MGST1: variants seen among roughly 807,000 people sequenced by gnomAD.
MGST1 encodes the protein microsomal glutathione S-transferase 1, also known as glutathione S-transferase 12.
In MGST1, 5 loss-of-function variants were observed where a neutral mutation model predicts 8.9. The ratio of observed to expected loss-of-function variants is 0.56; its 90% CI spans 0.29 to 1.19. The LOEUF is 1.19. Among genes scored for constraint, MGST1 ranks in the 50% most tolerant of loss-of-function variants. The pLI, the probability that MGST1 is intolerant of heterozygous loss-of-function variation, is 0.08. For synonymous variants in MGST1, 54 were observed against 67.8 expected, an observed-to-expected ratio of 0.80 and a Z score of 1.00; for missense variants, 182 against 187.4, an observed-to-expected ratio of 0.97 and a Z score of 0.17.
chr12:16,360,185 G>A, intron 3 of MGST1: 1 of 207,044 alleles, frequency 4.8e-6, no homozygotes, highest in Non-Finnish European at 8.5e-6. Flanking sequence ...CTGTTTCATC[G>A]AAAAAGTGCC....
chr12:16,498,267 T>G (rs956056567), intron 4 of MGST1, among the ~76,000 whole-genome samples: 13 of 152,198 alleles, frequency 8.5e-5, no homozygotes, highest in African/African-American at 3.1e-4. Context: ...TTCTGAAAAC[T>G]GTCCTAAATG....
Position 16,361,961 on chromosome 12 carries a change from A to G in MGST1, c.222-1834A>G, listed in dbSNP as rs1290866022. On this transcript the variant is annotated intron_variant, in intron 3 of 3. Coordinates refer to ENST00000396210, the MANE Select transcript of MGST1 (RefSeq NM_020300.5). The surrounding 1 kb of genome is among the most constrained non-coding windows in gnomAD (Gnocchi z 4.2). Reference sequence around the variant, plus strand: ...TGTCCTTGACTTTCTTCTCTGCTTTAACATTCCATTCTATTTGTCAACTGC... The same window carrying G: ...TGTCCTTGACTTTCTTCTCTGCTTTGACATTCCATTCTATTTGTCAACTGC... Among the ~76,000 whole-genome samples the G allele has an allele frequency of 6.6e-6, 1 of 152,160 alleles. No homozygotes were observed. Among genetic ancestry groups the G allele is most frequent in the Non-Finnish European group, 1.5e-5 (1 of 68,030 alleles).
chr12:16,524,593 G>A, intron 4 of MGST1, among the ~76,000 whole-genome samples: 1 of 151,990 alleles, frequency 6.6e-6, no homozygotes, highest in East Asian at 1.9e-4. Context: ...AGATTAGAGG[G>A]AACACCAAAC....
chr12:16,360,311 C>T, intron 3 of MGST1: 1 of 983,490 alleles, frequency 1.0e-6, no homozygotes, highest in Non-Finnish European at 1.2e-6. Context: ...CATTGTAAAG[C>T]TGTTACGATT....
rs201993269 is a variant in MGST1, at chr12:16,545,736, T to G, written n.483-43792T>G. Among the ~76,000 whole-genome samples, 10 of 152,184 alleles carry G rather than the reference T, an allele frequency of 6.6e-5. No homozygotes were observed. The East Asian group carries it at 1.9e-3, about 29-fold the overall frequency. On this transcript the variant is annotated intron_variant and non_coding_transcript_variant, in intron 4 of 4. Transcript: ENST00000538857. ...GGCTCAAATAAATGCCTTCATGTTATGGTTGAAAGAAAGAGCTCCCAAACA... is the reference window on the plus strand; with the variant it reads ...GGCTCAAATAAATGCCTTCATGTTAGGGTTGAAAGAAAGAGCTCCCAAACA...
rs574082780 is a variant in MGST1, at chr12:16,484,913, A to T, written n.482+101309A>T. 8.6e-4 allele frequency among the ~76,000 whole-genome samples: 131 copies of T among 152,288 alleles called. No individual in the cohort carries two copies. In the South Asian group the frequency reaches 0.016, roughly 18 times the overall value. On this transcript the variant is annotated intron_variant and non_coding_transcript_variant, in intron 4 of 4. Coordinates refer to the MGST1 transcript ENST00000538857. ...CTTGCGCTTAGATGAGTAAAAGCAG[A>T]TTGCACCTAAACCCTGATCACTATG...
intron 4 of MGST1, among the ~76,000 whole-genome samples, chr12:16,449,389 A>C (rs533725857): frequency 2.0e-5 from 3 of 152,032 alleles, no homozygotes; most frequent in Non-Finnish European, 2.9e-5. Flanking sequence ...GATCTGCCCC[A>C]AAACCCAAAC....
Position 16,504,826 on chromosome 12 carries a change from C to A in MGST1, n.483-84702C>A, listed in dbSNP as rs189032720. On this transcript the variant is annotated intron_variant and non_coding_transcript_variant, in intron 4 of 4. Coordinates refer to the MGST1 transcript ENST00000538857. ...CCCCACAAACTTGCTTAAAATTTAACCTTTCAACCTAATCCTCAGACAACC... is the reference window on the plus strand; with the variant it reads ...CCCCACAAACTTGCTTAAAATTTAAACTTTCAACCTAATCCTCAGACAACC... Among the ~76,000 whole-genome samples, 43 of 152,278 alleles carry A rather than the reference C, an allele frequency of 2.8e-4. No individual in the cohort carries two copies. In the East Asian group the frequency reaches 6.0e-3, roughly 21 times the overall value.
intron 4 of MGST1, chr12:16,514,297 C>T (rs1941596758): frequency 1.0e-5 from 3 of 300,732 alleles, no homozygotes; most frequent in Non-Finnish European, 2.0e-5. Flanking sequence ...GGTAGAGTCA[C>T]ATTTGAAGAT....
chr12:16,583,230 A>G (rs2137553684), intron 4 of MGST1, among the ~76,000 whole-genome samples: 1 of 152,246 alleles, frequency 6.6e-6, no homozygotes, highest in Middle Eastern at 3.4e-3. Context: ...CAGAGTGGTG[A>G]GAGACAGAAG....
intron 1 of MGST1, chr12:16,399,471 C>T: frequency 6.4e-7 from 1 of 1,551,816 alleles, no homozygotes; most frequent in Non-Finnish European, 8.9e-7. Flanking sequence ...CCAATCCTTT[C>T]CACTCTCTTC....
intron 4 of MGST1, among the ~76,000 whole-genome samples, chr12:16,581,735 CAG>C (rs1288752177): frequency 6.6e-6 from 1 of 151,872 alleles, no homozygotes; most frequent in South Asian, 2.1e-4. Context: ...TTTTTTTCAG[CAG>C]AGTTTTCCTT....
intron 4 of MGST1, among the ~76,000 whole-genome samples, chr12:16,508,798 A>T (rs185104811): frequency 2.5e-4 from 38 of 152,198 alleles, no homozygotes; most frequent in Non-Finnish European, 4.7e-4. Context: ...GAACCATAAA[A>T]ATGAAGAAGA....
intron 1 of MGST1, among the ~76,000 whole-genome samples, chr12:16,435,005 G>A (rs576341442): frequency 7.9e-5 from 12 of 151,920 alleles, no homozygotes; most frequent in Admixed American, 1.3e-4. Context: ...ACATTTATCC[G>A]AGATTCTTTT....
In MGST1 at chr12:16,361,201, G is replaced by A. The variant is rs533036391; in HGVS notation, c.222-2594G>A. On this transcript the variant is annotated intron_variant, in intron 3 of 3. Transcript: ENST00000396210. This position sits in a 1 kb window ranked among gnomAD's most constrained non-coding sequence, Gnocchi z 4.2. ...TATGTGCTGAGGGTGAAGAGCTTTG[G>A]CTGAGATGAGGGCGTCAGGAAAAGC... 4.2e-4 allele frequency among the ~76,000 whole-genome samples: 64 copies of A among 152,292 alleles called. No individual in the cohort carries two copies. The highest frequency in any genetic ancestry group is 3.4e-3 in the Middle Eastern group (1 of 294).
intron 4 of MGST1, among the ~76,000 whole-genome samples, chr12:16,508,134 C>G (rs1310907393): frequency 6.6e-6 from 1 of 152,122 alleles, no homozygotes; most frequent in Non-Finnish European, 1.5e-5. Flanking sequence ...GGAACCATGC[C>G]TTGATTATCA....
chr12:16,563,479 G>A (rs1338733371), intron 4 of MGST1, among the ~76,000 whole-genome samples: 1 of 152,116 alleles, frequency 6.6e-6, no homozygotes, highest in African/African-American at 2.4e-5. Context: ...GACAGGCATA[G>A]TTCTCCTTTG....
chr12:16,377,724 A>G (rs1940404154), downstream of MGST1, among the ~76,000 whole-genome samples: 1 of 152,138 alleles, frequency 6.6e-6, no homozygotes, highest in Non-Finnish European at 1.5e-5. Context: ...TCACCACACC[A>G]ACTTCCACAG....
intron 1 of MGST1, among the ~76,000 whole-genome samples, chr12:16,351,158 C>T (rs1314700564): frequency 6.6e-6 from 1 of 152,128 alleles, no homozygotes; most frequent in African/African-American, 2.4e-5. Context: ...TAGCAACTTT[C>T]TATTTGATAA....
Sources: allele counts gnomAD v4.1 joint callset (sites outside exome capture counted in the v4.1 genomes callset), GRCh38; gene constraint gnomAD v4.1.1; non-coding constraint Gnocchi (gnomAD v3.1); transcripts MANE v1.5; gene names NCBI Gene and HGNC (gene_info 2026-07-23, HGNC 2026-07-21).